Variants in CSMD1 observed in about 807,000 individuals in gnomAD.
The protein encoded by CSMD1 is CUB and sushi domain-containing protein 1.
A neutral mutation model predicts 417.5 loss-of-function variants in CSMD1; 213 were observed. The observed-to-expected ratio is 0.51, with a 90% CI of 0.46 to 0.57. CSMD1 has a LOEUF of 0.57. Ranked by LOEUF, CSMD1 falls within the 20% of genes least tolerant of loss-of-function variation. CSMD1 has a pLI of 0.00. For missense variants in CSMD1, 6,923 were observed against 4,529.7 expected (o/e 1.53, Z -15.17); for synonymous variants, 2,862 against 1,736.8 (o/e 1.65, Z -16.11).
At chr8:4,882,131 G>A (rs953463504) in intron 1 of CSMD1, among the ~76,000 whole-genome samples, 5 of 152,060 alleles carry the variant, frequency 3.3e-5, no homozygotes, top group African/African-American at 1.2e-4. Flanking sequence ...AGAGTAGGCT[G>A]ATGAAGCACA....
chr8:3,837,634 G>A (rs1802796855), intron 5 of CSMD1, among the ~76,000 whole-genome samples: 1 of 152,116 alleles, frequency 6.6e-6, no homozygotes, highest in African/African-American at 2.4e-5. Flanking sequence ...GGAATTTTCT[G>A]CGGATTGTAA....
At chr8:4,711,158 C>CA (rs11324282) in intron 1 of CSMD1, among the ~76,000 whole-genome samples, 1,764 of 131,834 alleles carry the variant, frequency 0.013, 24 homozygotes, top group South Asian at 0.066. Flanking sequence ...AATTTTCTCA[C>CA]AAAAAAAAAA....
At chr8:3,959,368 G>T (rs1812170829) in intron 5 of CSMD1, among the ~76,000 whole-genome samples, 1 of 152,112 alleles carries the variant, frequency 6.6e-6, no homozygotes, top group African/African-American at 2.4e-5. Context: ...GTGTGATGGC[G>T]CCAGCCTGTA....
At chr8:3,177,202 C>T (rs75322287) in intron 37 of CSMD1, among the ~76,000 whole-genome samples, 11 of 152,272 alleles carry the variant, frequency 7.2e-5, no homozygotes, top group East Asian at 5.8e-4. Context: ...CACCAACTGT[C>T]GCAAGTGGAG....
At chr8:4,788,004 C>T (rs185251474) in intron 1 of CSMD1, 28 of 1,589,910 alleles carry the variant, frequency 1.8e-5, no homozygotes, top group Middle Eastern at 2.3e-4. Flanking sequence ...ACAGTGTTAT[C>T]GGGATCTCAA....
chr8:4,339,419 C>T (rs1800351871), intron 3 of CSMD1, among the ~76,000 whole-genome samples: 1 of 152,074 alleles, frequency 6.6e-6, no homozygotes, highest in Non-Finnish European at 1.5e-5. Flanking sequence ...GGCTCTCTTT[C>T]ATGTAAATGA....
chr8:3,490,225 C>T (rs897155212), intron 11 of CSMD1, among the ~76,000 whole-genome samples: 1 of 152,120 alleles, frequency 6.6e-6, no homozygotes, highest in African/African-American at 2.4e-5. Context: ...CATTATGTTT[C>T]CCAAAGGGCA....
Position 3,091,503 on chromosome 8 carries a change from C to T in CSMD1, c.7285+13G>A. 1 of 1,581,388 alleles carries T rather than the reference C, an allele frequency of 6.3e-7. No individual in the cohort carries two copies. Among genetic ancestry groups the T allele is most frequent in the Non-Finnish European group, 8.6e-7 (1 of 1,168,828 alleles). On this transcript the variant is annotated intron_variant, in intron 48 of 69. Transcript: ENST00000635120. ...AAATACTTTCATATAAAATCTAAACCTCATTTACTTACCTGCATAGCGAAT... is the reference window on the plus strand; with the variant it reads ...AAATACTTTCATATAAAATCTAAACTTCATTTACTTACCTGCATAGCGAAT...
chr8:4,141,318 G>A (rs1257061543), intron 3 of CSMD1, among the ~76,000 whole-genome samples: 7 of 151,096 alleles, frequency 4.6e-5, no homozygotes, highest in African/African-American at 1.7e-4. Context: ...GAAATTAAGG[G>A]GAAATGAAGC....
intron 3 of CSMD1, among the ~76,000 whole-genome samples, chr8:4,278,012 G>A (rs1164764234): frequency 1.3e-5 from 2 of 152,218 alleles, no homozygotes; most frequent in East Asian, 3.9e-4. Context: ...CTCCCAAAGT[G>A]CTGGGATTAC....
intron 1 of CSMD1, among the ~76,000 whole-genome samples, chr8:4,732,703 C>G (rs928557063): frequency 2.0e-5 from 3 of 152,146 alleles, no homozygotes; most frequent in South Asian, 4.1e-4. Context: ...ACTAAGCAGA[C>G]TTCCCTTGTA....
intron 5 of CSMD1, among the ~76,000 whole-genome samples, chr8:3,857,025 G>C (rs1344844760): frequency 2.0e-5 from 3 of 151,948 alleles, no homozygotes; most frequent in African/African-American, 4.8e-5. Flanking sequence ...GCAATGATTA[G>C]AAATATATAT....
intron 4 of CSMD1, among the ~76,000 whole-genome samples, chr8:4,023,803 G>A (rs1223796710): frequency 8.3e-6 from 1 of 120,902 alleles, no homozygotes; most frequent in Non-Finnish European, 1.7e-5. Context: ...ATTTTTAGTA[G>A]AGACGGGGTT....
chr8:3,059,177 T>A (rs1469105635), intron 49 of CSMD1, among the ~76,000 whole-genome samples: 2 of 149,102 alleles, frequency 1.3e-5, no homozygotes, highest in Non-Finnish European at 3.0e-5. Flanking sequence ...CTATTAATAA[T>A]AATGGCTTGT....
intron 12 of CSMD1, among the ~76,000 whole-genome samples, chr8:3,448,345 G>GAAGGAAGGA (rs147339192): frequency 1.1e-3 from 3 of 2,732 alleles, no homozygotes; most frequent in African/African-American, 1.3e-3. Context: ...GGGAGGGAGG[G>GAAGGAAGGA]AGGAAGGAAG....
intron 7 of CSMD1, among the ~76,000 whole-genome samples, chr8:3,640,100 A>C (rs1797233850): frequency 6.6e-6 from 1 of 152,172 alleles, no homozygotes; most frequent in African/African-American, 2.4e-5. Flanking sequence ...AGGCTCTCCC[A>C]TGTAGAGGTC....
chr8:2,954,973 T>C lies in CSMD1; in HGVS notation c.9994+616A>G, dbSNP rs374692742. On this transcript the variant is annotated intron_variant, in intron 64 of 69. Coordinates refer to ENST00000635120, the MANE Select transcript of CSMD1 (RefSeq NM_033225.6). Reference sequence around the variant, plus strand: ...ATGCTGTTTAGACTCCATGGATTTATAAATTACAAACAGGGGAGAACCTGT... The same window carrying C: ...ATGCTGTTTAGACTCCATGGATTTACAAATTACAAACAGGGGAGAACCTGT... Among the ~76,000 whole-genome samples, 108 of 152,354 alleles carry C rather than the reference T, an allele frequency of 7.1e-4. 2 individuals are homozygous for C. The South Asian group carries it at 0.022, about 31-fold the overall frequency.
chr8:3,436,067 T>A (rs1441002318), intron 12 of CSMD1, among the ~76,000 whole-genome samples: 1 of 152,134 alleles, frequency 6.6e-6, no homozygotes, highest in East Asian at 1.9e-4. Flanking sequence ...TTCCAGAGAC[T>A]CACACTGCTG....
rs141636553 is a variant in CSMD1 at position 4,255,523 on chromosome 8, G to A, written c.415+164430C>T. Among the ~76,000 whole-genome samples the A allele has an allele frequency of 1.1e-4, 16 of 152,268 alleles. No homozygotes were observed. In the East Asian group the frequency reaches 3.1e-3, roughly 29 times the overall value. ...ATGTGCAATAGCAGTGGATTAACCG[G>A]TTAAAAGTCGCAATCACTTTTGTTT... On this transcript the variant is annotated intron_variant, in intron 3 of 69. Transcript: ENST00000635120.
Sources: gnomAD v4.1 joint callset for allele counts (sites outside exome capture counted in the v4.1 genomes callset) on GRCh38, gnomAD v4.1.1 for gene constraint, MANE v1.5 for transcripts, NCBI Gene and HGNC (gene_info 2026-07-23, HGNC 2026-07-21) for gene names.